Variants in NCBP2L observed in about 807,000 individuals in gnomAD.
The protein encoded by NCBP2L is nuclear cap-binding protein subunit 2-like.
For missense variants in NCBP2L, 95 were observed against 53.1 expected (o/e 1.79, Z -2.45); for synonymous variants, 39 against 19.2 (o/e 2.04, Z -2.70).
At chrX:107,778,166 C>A (rs1309492821) in intron 1 of NCBP2L, among the ~76,000 whole-genome samples, 1 of 111,492 alleles carries the variant, frequency 9.0e-6, no homozygotes, top group Non-Finnish European at 1.9e-5. Flanking sequence ...TCATGTTAAA[C>A]GTTATAGCAA....
chrX:107,790,277 A>G (rs184844787), intron 1 of NCBP2L, among the ~76,000 whole-genome samples: 2 of 112,184 alleles, frequency 1.8e-5, no homozygotes, highest in Admixed American at 9.4e-5. Context: ...CAGGCTTTCC[A>G]TAATCTTTTT....
At chrX:107,781,976 C>T (rs1192936104) in intron 1 of NCBP2L, among the ~76,000 whole-genome samples, 46 of 90,638 alleles carry the variant, frequency 5.1e-4, no homozygotes, top group African/African-American at 1.8e-3. Flanking sequence ...CTGCCCACCT[C>T]GGCTTCCCAA....
intron 1 of NCBP2L, among the ~76,000 whole-genome samples, chrX:107,791,319 T>C (rs1930449208): frequency 9.0e-6 from 1 of 110,925 alleles, no homozygotes; most frequent in African/African-American, 3.3e-5. Context: ...CAATTATGGC[T>C]CACTTCAGCC....
chrX:107,792,839 A>T (rs1388254838), intron 1 of NCBP2L, among the ~76,000 whole-genome samples: 1 of 111,934 alleles, frequency 8.9e-6, no homozygotes, highest in Non-Finnish European at 1.9e-5. Flanking sequence ...GCCTGTCACA[A>T]AGTAGATCCC....
intron 1 of NCBP2L, among the ~76,000 whole-genome samples, chrX:107,778,609 A>C (rs1189971511): frequency 8.9e-6 from 1 of 112,477 alleles, no homozygotes; most frequent in East Asian, 2.8e-4. Context: ...TGCTTTGCTG[A>C]CATATATTGC....
At chrX:107,788,711 T>G (rs1930415245) in intron 1 of NCBP2L, among the ~76,000 whole-genome samples, 1 of 110,765 alleles carries the variant, frequency 9.0e-6, no homozygotes, top group Admixed American at 9.5e-5. Flanking sequence ...AGTAACTCAC[T>G]TCTTCACATC....
intron 1 of NCBP2L, among the ~76,000 whole-genome samples, chrX:107,787,899 T>C (rs780758549): frequency 8.9e-6 from 1 of 112,544 alleles, no homozygotes; most frequent in African/African-American, 3.2e-5. Flanking sequence ...AAGGCAACCA[T>C]TGAAAAGATT....
At chrX:107,785,645 A>C (rs957249069) in intron 1 of NCBP2L, among the ~76,000 whole-genome samples, 1 of 111,231 alleles carries the variant, frequency 9.0e-6, no homozygotes, top group East Asian at 2.8e-4. Flanking sequence ...CCCTGTTTTC[A>C]CCAGTCATCT....
chrX:107,780,544 G>A (rs2147804708), intron 1 of NCBP2L, among the ~76,000 whole-genome samples: 1 of 109,975 alleles, frequency 9.1e-6, no homozygotes, highest in South Asian at 3.9e-4. Context: ...ACTTGACCCT[G>A]AGTCAGTGTC....
Position 107,794,737 on chromosome X carries a change from A to T in NCBP2L, c.*55A>T. 2.2e-6 allele frequency: 1 copy of T among 465,018 alleles called. No individual in the cohort carries two copies. The highest frequency in any genetic ancestry group is 3.9e-6 in the Non-Finnish European group (1 of 255,938). 38.3% of individuals were successfully genotyped at this position (465,018 alleles called of 1,213,427 possible). A position where few individuals can be genotyped will look rare whatever the true frequency, so the allele number is the denominator to read the frequency against. ...TAACCCCTTGAAAAGTGTGTTATAGACCAACCTCAAGTCTGCAAATAGCCA... is the reference window on the plus strand; with the variant it reads ...TAACCCCTTGAAAAGTGTGTTATAGTCCAACCTCAAGTCTGCAAATAGCCA... On this transcript the variant is annotated 3_prime_UTR_variant, in exon 2 of 2. Transcript: ENST00000509000.
Position 107,795,440 on chromosome X carries a change from A to G in NCBP2L, c.*758A>G, listed in dbSNP as rs1457691604. 2 of 112,011 alleles carry G rather than the reference A, an allele frequency of 1.8e-5. No individual in the cohort carries two copies. The highest frequency in any genetic ancestry group is 2.8e-4 in the East Asian group (1 of 3,603). 9.2% of individuals were successfully genotyped at this position (112,011 alleles called of 1,213,427 possible). ...CTGAGTTACAATGGCTTGGCTTACA[A>G]TGTTTGGACTTTACAATGGTATAAA... On this transcript the variant is annotated 3_prime_UTR_variant, in exon 2 of 2. Coordinates refer to ENST00000509000, the MANE Select transcript of NCBP2L (RefSeq NM_001348372.2).
At chrX:107,778,066 G>T (rs1182423643) in intron 1 of NCBP2L, among the ~76,000 whole-genome samples, 1 of 108,751 alleles carries the variant, frequency 9.2e-6, no homozygotes, top group Non-Finnish European at 1.9e-5. Flanking sequence ...AGTAGAATAT[G>T]AAATTTCATC....
In NCBP2L at chrX:107,794,174, C is replaced by T. The variant is rs1228043109; in HGVS notation, c.-47C>T. On this transcript the variant is annotated 5_prime_UTR_variant, in exon 2 of 2. Transcript: ENST00000509000. The stretch of plus-strand genomic sequence containing the variant: ...GTTTTCAGTGGTGGTGTCACTGCTG[C>T]CAAGCTGGACCGAAAACGGCCATCG... 1 of 493,459 alleles carries T rather than the reference C, an allele frequency of 2.0e-6. No individual in the cohort carries two copies. Among genetic ancestry groups the T allele is most frequent in the Admixed American group, 3.2e-5 (1 of 31,711 alleles). 40.7% of individuals were successfully genotyped at this position (493,459 alleles called of 1,213,427 possible).
At chrX:107,780,261 C>A (rs1368727981) in intron 1 of NCBP2L, among the ~76,000 whole-genome samples, 5 of 111,479 alleles carry the variant, frequency 4.5e-5, no homozygotes, top group Non-Finnish European at 9.4e-5. Context: ...GGGAGGATCA[C>A]CTGAGCCCGG....
chrX:107,781,408 C>A (rs191488997), intron 1 of NCBP2L, among the ~76,000 whole-genome samples: 1 of 106,833 alleles, frequency 9.4e-6, no homozygotes, highest in Admixed American at 1.0e-4. Flanking sequence ...CGGGTTCAAG[C>A]GATCCTCTCA....
intron 1 of NCBP2L, among the ~76,000 whole-genome samples, chrX:107,782,886 C>CAT (rs886087791): frequency 2.0e-4 from 22 of 107,859 alleles, no homozygotes; most frequent in Admixed American, 1.9e-3. Flanking sequence ...CATATATACA[C>CAT]ATATATATAC....
At chrX:107,780,131 C>G (rs1246879809) in intron 1 of NCBP2L, among the ~76,000 whole-genome samples, 1 of 111,003 alleles carries the variant, frequency 9.0e-6, no homozygotes, top group Non-Finnish European at 1.9e-5. Context: ...CCGGGGTGGG[C>G]GGATCCCTTG....
At position 107,781,651 on chromosome X, in the gene NCBP2L, C is replaced by CT. The variant is rs1405952181; in HGVS notation, c.-73+3793_-73+3794insT. 4.4e-3 allele frequency among the ~76,000 whole-genome samples: 289 copies of CT among 65,192 alleles called. 7 individuals are homozygous for CT. Among genetic ancestry groups the CT allele is most frequent in the African/African-American group, 0.02 (237 of 11,939 alleles). 56.6% of individuals were successfully genotyped at this position (65,192 alleles called of 115,157 possible). On this transcript the variant is annotated intron_variant, in intron 1 of 1. Coordinates refer to ENST00000509000, the MANE Select transcript of NCBP2L (RefSeq NM_001348372.2). ...TCATTCTATCTATCTATCTATCTAT[C>CT]ATCTATCTATCTATCTATCTATCTA... is the stretch of plus-strand genomic sequence containing the variant.
chrX:107,794,225 C>T lies in NCBP2L; in HGVS notation c.5C>T (p.Ser2Phe), dbSNP rs1387016752. 1.9e-6 allele frequency: 1 copy of T among 534,735 alleles called. No individual in the cohort carries two copies. The highest frequency in any genetic ancestry group is 2.3e-5 in the African/African-American group (1 of 43,419). The allele number at this position is 534,735 out of a possible 1,213,427, so 44.1% of individuals were successfully genotyped here. ...GCATGCTGCCCAACCAGCACCATGT[C>T]CAAAGACCTGAAAATTCTATGTAAA... M[S>F]KDLKILCKDP... The change falls in exon 2 of 2, where the codon TCC (serine) becomes TTC (phenylalanine). Residue 2 changes from serine (S) to phenylalanine (F), a missense_variant. Physicochemically the swap from Ser to Phe is radical, Grantham distance 155 (BLOSUM62 -2). Transcript: ENST00000509000.
Sources: gnomAD v4.1 joint callset for allele counts (sites outside exome capture counted in the v4.1 genomes callset) on GRCh38, gnomAD v4.1.1 for gene constraint, MANE v1.5 for transcripts, NCBI Gene and HGNC (gene_info 2026-07-23, HGNC 2026-07-21) for gene names.